The following ZFYVE26 variants were observed in gnomAD, a reference collection of about 807,000 sequenced individuals.
ZFYVE26 encodes the protein zinc finger FYVE domain-containing protein 26.
ZFYVE26 carries 181 observed loss-of-function variants against 276.5 expected under a neutral mutation model. The ratio of observed to expected loss-of-function variants is 0.65; its 90% CI spans 0.58 to 0.74. ZFYVE26 has a LOEUF of 0.74. Ranked by LOEUF, ZFYVE26 falls within the 30% of genes least tolerant of loss-of-function variation. ZFYVE26 has a pLI of 0.00. For synonymous variants in ZFYVE26, 1,129 were observed against 1,203.1 expected, an observed-to-expected ratio of 0.94 and a Z score of 1.27; for missense variants, 2,821 against 3,097.9, an observed-to-expected ratio of 0.91 and a Z score of 2.12.
chr14:67,771,549 A>C (rs1382075519), intron 28 of ZFYVE26, among the ~76,000 whole-genome samples: 1 of 152,260 alleles, frequency 6.6e-6, no homozygotes, highest in Admixed American at 6.5e-5. Flanking sequence ...GTATGGTGAC[A>C]CATATTATCA....
intron 27 of ZFYVE26, among the ~76,000 whole-genome samples, chr14:67,773,664 C>T (rs73278432): frequency 0.016 from 2,409 of 152,234 alleles, 70 homozygotes; most frequent in African/African-American, 0.054. Flanking sequence ...GAGCCCTCCC[C>T]TCAGCTCGGC....
At position 67,752,517 on chromosome 14, in the gene ZFYVE26, G is replaced by C. The variant is rs2038676008; in HGVS notation, c.7198C>G (p.Leu2400Val). Residue 2400 changes from leucine (L) to valine (V), a missense_variant, in exon 40 of 42, where the codon CTG becomes GTG. Leu to Val is a conservative substitution (Grantham distance 32). Coordinates refer to ENST00000347230, the MANE Select transcript of ZFYVE26 (RefSeq NM_015346.4). ...IAFRVLQDFQ[L>V]DAAMTYCRAA... ...CTGCAGTAGGTCATGGCAGCATCCA[G>C]CTGGAAGTCCTAGAACAGAACACAA... The C allele has an allele frequency of 6.2e-7, 1 of 1,614,168 alleles. No individual in the cohort carries two copies. Among genetic ancestry groups the C allele is most frequent in the African/African-American group, 1.3e-5 (1 of 75,052 alleles).
At chr14:67,815,309 G>A (rs2040378680) in intron 2 of ZFYVE26, among the ~76,000 whole-genome samples, 2 of 152,176 alleles carry the variant, frequency 1.3e-5, no homozygotes, top group Non-Finnish European at 2.9e-5. Flanking sequence ...ATGAGACGTC[G>A]CAATTGGGGC....
chr14:67,761,294 G>C, intron 35 of ZFYVE26, 72 bp downstream of exon 35: 1 of 1,405,266 alleles, frequency 7.1e-7, no homozygotes, highest in South Asian at 1.2e-5. Flanking sequence ...TTATTGTCCC[G>C]CTTAAGGCTG....
At chr14:67,781,986 TC>T (rs2039512617) in intron 21 of ZFYVE26, among the ~76,000 whole-genome samples, 1 of 152,204 alleles carries the variant, frequency 6.6e-6, no homozygotes, top group South Asian at 2.1e-4. Flanking sequence ...CTTAGATCTC[TC>T]TCTTCCACAC....
At chr14:67,807,011 G>A (rs180729731) in intron 5 of ZFYVE26, among the ~76,000 whole-genome samples, 16 of 152,262 alleles carry the variant, frequency 1.1e-4, no homozygotes, top group Admixed American at 4.6e-4. Flanking sequence ...GTTCACTGCA[G>A]CCTCCACCTC....
chr14:67,795,111 G>A (rs2039921482), intron 12 of ZFYVE26, among the ~76,000 whole-genome samples: 1 of 152,146 alleles, frequency 6.6e-6, no homozygotes, highest in Non-Finnish European at 1.5e-5. Context: ...GTCATTCGAG[G>A]GGCTGTCTCA....
chr14:67,739,320 G>A (rs999233399), intron 13 of ZFYVE26, among the ~76,000 whole-genome samples: 2 of 152,192 alleles, frequency 1.3e-5, no homozygotes, highest in African/African-American at 4.8e-5. Context: ...AGGAAAGATA[G>A]AGAGAATCTG....
chr14:67,751,213 CTT>C (rs1407638817), intron 40 of ZFYVE26, 117 bp from the exon 41 acceptor site: 31 of 1,161,146 alleles, frequency 2.7e-5, no homozygotes, highest in Non-Finnish European at 6.4e-6. Flanking sequence ...GTCTGCCTGA[CTT>C]TTTTTTTCTC....
chr14:67,736,524 A>G (rs1445855528), intron 13 of ZFYVE26, among the ~76,000 whole-genome samples: 1 of 152,184 alleles, frequency 6.6e-6, no homozygotes, highest in Non-Finnish European at 1.5e-5. Context: ...AAAGGCAAAA[A>G]AAGTTGTGAA....
intron 2 of ZFYVE26, 59 bp downstream of exon 2, chr14:67,815,711 A>G: frequency 6.4e-7 from 1 of 1,569,866 alleles, no homozygotes; most frequent in Non-Finnish European, 8.8e-7. Flanking sequence ...CCAATGCCCA[A>G]ATATTGAACC....
chr14:67,774,674 A>C (rs2039295285), intron 27 of ZFYVE26, among the ~76,000 whole-genome samples: 1 of 152,178 alleles, frequency 6.6e-6, no homozygotes, highest in Non-Finnish European at 1.5e-5. Context: ...AGAAAAAAGG[A>C]AATAGAATAG....
intron 41 of ZFYVE26, among the ~76,000 whole-genome samples, chr14:67,749,210 C>T (rs1199414832): frequency 6.6e-6 from 1 of 152,064 alleles, no homozygotes; most frequent in Admixed American, 6.5e-5. Context: ...CACATAGATC[C>T]TCCTCTATTT....
At chr14:67,809,151 C>G in intron 4 of ZFYVE26, 49 bp downstream of exon 4, 1 of 1,523,418 alleles carries the variant, frequency 6.6e-7, no homozygotes, top group South Asian at 1.1e-5. Context: ...AGCTAAGCTG[C>G]TTAAGTGACT....
At chr14:67,777,076 A>C (rs2039363921) in intron 25 of ZFYVE26, among the ~76,000 whole-genome samples, 1 of 152,246 alleles carries the variant, frequency 6.6e-6, no homozygotes, top group African/African-American at 2.4e-5. Flanking sequence ...CCACTAGCAC[A>C]GACAAGTTTA....
chr14:67,766,142 G>A, intron 32 of ZFYVE26, 85 bp downstream of exon 32: 1 of 1,282,466 alleles, frequency 7.8e-7, no homozygotes, highest in Non-Finnish European at 1.1e-6. Flanking sequence ...AGGATGGTGA[G>A]ATAAAAAAAT....
rs1316228798 is a variant in ZFYVE26 at position 67,756,381 on chromosome 14, A to G, written c.6589-236T>C. 2.1e-5 allele frequency: 12 copies of G among 568,632 alleles called. No individual in the cohort carries two copies. In the Admixed American group the frequency reaches 3.6e-4, roughly 17 times the overall value. 35.2% of individuals were successfully genotyped at this position (568,632 alleles called of 1,614,324 possible). ...GGGTTATCTACCCTCACTGTCTCCA[A>G]TTCCCTCCTGTGATTTTTCTCTTGA... On this transcript the variant is annotated intron_variant, in intron 35 of 41. Coordinates refer to ENST00000347230, the MANE Select transcript of ZFYVE26 (RefSeq NM_015346.4).
Position 67,798,027 on chromosome 14 carries a change from GCTTGTCACCAC to G in ZFYVE26, c.2224_2234del (p.Val742GlnfsTer48), listed in dbSNP as rs745991102. The G allele has an allele frequency of 6.2e-7, 1 of 1,614,092 alleles. No homozygotes were observed. Among genetic ancestry groups the G allele is most frequent in the Non-Finnish European group, 8.5e-7 (1 of 1,180,014 alleles). ...CCCTTCTCTCACCTGAACGATGGTT[GCTTGTCACCAC>G]CTTGTGTCTCCACTGGGCCTCAGAG... On this transcript the variant is annotated frameshift_variant, in exon 11 of 42. Coordinates refer to ENST00000347230, the MANE Select transcript of ZFYVE26 (RefSeq NM_015346.4). LOFTEE classifies it high-confidence loss of function.
chr14:67,815,187 G>GA (rs572987416), intron 2 of ZFYVE26, among the ~76,000 whole-genome samples: 40 of 152,232 alleles, frequency 2.6e-4, no homozygotes, highest in Non-Finnish European at 5.0e-4. Context: ...AACTACAAAT[G>GA]AAAAAATGAA....
Sources: gnomAD v4.1 joint callset for allele counts (sites outside exome capture counted in the v4.1 genomes callset) on GRCh38, gnomAD v4.1.1 for gene constraint, MANE v1.5 for transcripts, NCBI Gene and HGNC (gene_info 2026-07-23, HGNC 2026-07-21) for gene names.